The following SGCZ variants were observed in gnomAD, a reference collection of about 807,000 sequenced individuals.
SGCZ encodes zeta-sarcoglycan.
In SGCZ, 40 loss-of-function variants were observed where a neutral mutation model predicts 41.3. The observed-to-expected ratio is 0.97, with a 90% CI of 0.75 to 1.26. The LOEUF is 1.26. Ranked by LOEUF, SGCZ falls within the 50% of genes most tolerant of loss-of-function variation. The probability of loss-of-function intolerance (pLI) is 0.00; values close to 1 mark genes in which losing one functional copy is unlikely to be tolerated. For missense variants in SGCZ, 552 were observed against 369.8 expected, an observed-to-expected ratio of 1.49 and a Z score of -4.04; for synonymous variants, 206 against 137.5, an observed-to-expected ratio of 1.50 and a Z score of -3.49.
chr8:14,813,035 A>G (rs1226270031), intron 1 of SGCZ, among the ~76,000 whole-genome samples: 5 of 152,202 alleles, frequency 3.3e-5, no homozygotes, highest in Non-Finnish European at 7.3e-5. Flanking sequence ...AATTTGAATA[A>G]TTGAAATGTT....
chr8:14,674,272 A>C (rs2117519351), intron 1 of SGCZ, among the ~76,000 whole-genome samples: 1 of 152,232 alleles, frequency 6.6e-6, no homozygotes, highest in Middle Eastern at 3.4e-3. Context: ...ACCAACGTAA[A>C]ACCTTAATTC....
At chr8:15,092,297 A>G (rs1806182353) in intron 1 of SGCZ, among the ~76,000 whole-genome samples, 2 of 152,222 alleles carry the variant, frequency 1.3e-5, no homozygotes, top group Non-Finnish European at 2.9e-5. Context: ...TTCTAGAATC[A>G]GTACTACAGT....
intron 1 of SGCZ, among the ~76,000 whole-genome samples, chr8:14,608,843 T>C (rs191478709): frequency 6.6e-6 from 1 of 152,010 alleles, no homozygotes. Context: ...TTTAAGCTTT[T>C]GAAAAAAAAT....
intron 1 of SGCZ, among the ~76,000 whole-genome samples, chr8:15,035,060 A>G (rs1803824623): frequency 6.6e-6 from 1 of 152,130 alleles, no homozygotes; most frequent in Admixed American, 6.5e-5. Flanking sequence ...TCAGAAAACT[A>G]GTAGTCTACT....
chr8:14,539,739 CTA>C (rs201540513), intron 2 of SGCZ, among the ~76,000 whole-genome samples: 15,363 of 151,748 alleles, frequency 0.1, 971 homozygotes, highest in East Asian at 0.18. Context: ...TTGTTCCCCT[CTA>C]TGTGTCCATG....
intron 5 of SGCZ, among the ~76,000 whole-genome samples, chr8:14,144,831 T>C (rs1803474489): frequency 6.6e-6 from 1 of 152,106 alleles, no homozygotes; most frequent in Non-Finnish European, 1.5e-5. Flanking sequence ...GGAATATCAG[T>C]GGTAGTCTGA....
At chr8:14,230,037 A>G (rs1167459744) in intron 4 of SGCZ, among the ~76,000 whole-genome samples, 1 of 152,130 alleles carries the variant, frequency 6.6e-6, no homozygotes, top group Admixed American at 6.6e-5. Context: ...TACCTTCTTC[A>G]TTTTAAATTT....
At chr8:14,980,043 T>C (rs1436193964) in intron 1 of SGCZ, among the ~76,000 whole-genome samples, 1 of 152,312 alleles carries the variant, frequency 6.6e-6, no homozygotes, top group South Asian at 2.1e-4. Context: ...GATTTACCAA[T>C]GCAGATACCA....
chr8:14,778,102 T>C (rs1364011464), intron 1 of SGCZ, among the ~76,000 whole-genome samples: 1 of 152,054 alleles, frequency 6.6e-6, no homozygotes, highest in Non-Finnish European at 1.5e-5. Flanking sequence ...AATTTTTTTT[T>C]GTTTTTGTAA....
At chr8:14,547,036 G>T (rs1464985129) in intron 2 of SGCZ, among the ~76,000 whole-genome samples, 2 of 151,636 alleles carry the variant, frequency 1.3e-5, no homozygotes, top group Non-Finnish European at 2.9e-5. Context: ...AAAAAAAAAA[G>T]TACCTAATAT....
intron 1 of SGCZ, among the ~76,000 whole-genome samples, chr8:15,198,571 A>C (rs1800803693): frequency 6.6e-6 from 1 of 152,200 alleles, no homozygotes; most frequent in Non-Finnish European, 1.5e-5. Flanking sequence ...AAAGAAATTC[A>C]AATTAACGCA....
In SGCZ at chr8:14,142,855, C is replaced by T. The variant is rs541070982; in HGVS notation, c.547+21725G>A. ...TCTCCCCTTGCTCTCTTCCTCCTGC[C>T]CCAGCCATGTAAGATGTGCCAGCCT... On this transcript the variant is annotated intron_variant, in intron 5 of 7. Transcript: ENST00000382080. Among the ~76,000 whole-genome samples, 14 of 152,086 alleles carry T rather than the reference C, an allele frequency of 9.2e-5. No individual in the cohort carries two copies. The East Asian group carries it at 2.7e-3, about 29-fold the overall frequency.
intron 1 of SGCZ, among the ~76,000 whole-genome samples, chr8:14,775,573 C>T (rs1008432687): frequency 9.3e-5 from 14 of 150,660 alleles, no homozygotes; most frequent in East Asian, 5.9e-4. Context: ...TTATTTATAA[C>T]GAATTAATAA....
At chr8:14,402,256 G>T (rs1490581118) in intron 2 of SGCZ, among the ~76,000 whole-genome samples, 2 of 151,338 alleles carry the variant, frequency 1.3e-5, no homozygotes, top group Non-Finnish European at 2.9e-5. Context: ...CACTCTGATG[G>T]TAGTTTCTTT....
chr8:14,610,380 A>G (rs934995136), intron 1 of SGCZ, among the ~76,000 whole-genome samples: 1 of 152,198 alleles, frequency 6.6e-6, no homozygotes, highest in Non-Finnish European at 1.5e-5. Flanking sequence ...AGGATTCTGC[A>G]CAGACTTTCT....
intron 6 of SGCZ, among the ~76,000 whole-genome samples, chr8:14,107,932 C>T (rs866640797): frequency 6.6e-6 from 1 of 152,118 alleles, no homozygotes; most frequent in African/African-American, 2.4e-5. Flanking sequence ...TGTGAGCCAC[C>T]GTGCCCGGCC....
intron 1 of SGCZ, among the ~76,000 whole-genome samples, chr8:14,794,480 C>A (rs181931984): frequency 6.6e-6 from 1 of 152,100 alleles, no homozygotes; most frequent in East Asian, 1.9e-4. Flanking sequence ...TAAGAAAATT[C>A]CCCAGAATAT....
intron 1 of SGCZ, among the ~76,000 whole-genome samples, chr8:14,747,311 C>T (rs1799363758): frequency 6.6e-6 from 1 of 152,138 alleles, no homozygotes; most frequent in South Asian, 2.1e-4. Flanking sequence ...GTACATCTAG[C>T]CGCCCTCAAC....
chr8:14,631,205 G>A lies in SGCZ; in HGVS notation c.40-76279C>T, dbSNP rs60848900. 4.7e-3 allele frequency among the ~76,000 whole-genome samples: 710 copies of A among 152,090 alleles called. 7 individuals carry two copies. The highest frequency in any genetic ancestry group is 0.014 in the African/African-American group (590 of 41,492). Reference sequence around the variant, plus strand: ...CACTGGGATCCTCCTCAGGGGTGAGGAGTCTGAACCGATCAAACATGAAAT... The same window carrying A: ...CACTGGGATCCTCCTCAGGGGTGAGAAGTCTGAACCGATCAAACATGAAAT... On this transcript the variant is annotated intron_variant, in intron 1 of 7. Coordinates refer to ENST00000382080, the MANE Select transcript of SGCZ (RefSeq NM_139167.4).
Sources: gnomAD v4.1 joint callset for allele counts (sites outside exome capture counted in the v4.1 genomes callset) on GRCh38, gnomAD v4.1.1 for gene constraint, MANE v1.5 for transcripts, NCBI Gene and HGNC (gene_info 2026-07-23, HGNC 2026-07-21) for gene names.